Variants in ANKS1B observed in about 807,000 individuals in gnomAD.
ANKS1B encodes the protein ankyrin repeat and sterile alpha motif domain containing 1B.
ANKS1B carries 36 observed loss-of-function variants against 148.3 expected under a neutral mutation model. That is an observed-to-expected ratio of 0.24 (90% CI 0.19 to 0.32). The LOEUF (loss-of-function observed/expected upper bound fraction) is 0.32. ANKS1B is among the 10% of genes least tolerant of loss of function. The probability of loss-of-function intolerance (pLI) is 1.00; values close to 1 mark genes in which losing one functional copy is unlikely to be tolerated. For missense variants in ANKS1B, 1,157 were observed against 1,542.6 expected (o/e 0.75, Z 4.19); for synonymous variants, 542 against 560.8 (o/e 0.97, Z 0.47).
intron 17 of ANKS1B, among the ~76,000 whole-genome samples, chr12:98,947,596 G>A (rs1019273012): frequency 6.6e-6 from 1 of 152,166 alleles, no homozygotes. Context: ...GGGTTCACAC[G>A]CAAACCAGTA....
intron 1 of ANKS1B, among the ~76,000 whole-genome samples, chr12:99,967,356 C>G (rs1172165801): frequency 6.6e-6 from 1 of 152,098 alleles, no homozygotes; most frequent in African/African-American, 2.4e-5. Context: ...ACCTGCATAG[C>G]GCCAAATGTC....
chr12:98,918,605 G>T (rs1423128252), intron 17 of ANKS1B, among the ~76,000 whole-genome samples: 1 of 152,030 alleles, frequency 6.6e-6, no homozygotes, highest in South Asian at 2.1e-4. Context: ...TATATTCTTG[G>T]ATTAAATGGT....
chr12:99,909,606 T>C (rs1259836281), intron 1 of ANKS1B, among the ~76,000 whole-genome samples: 1 of 152,210 alleles, frequency 6.6e-6, no homozygotes, highest in Non-Finnish European at 1.5e-5. Flanking sequence ...TCTGTTTTTA[T>C]GCCAGTACCA....
intron 2 of ANKS1B, among the ~76,000 whole-genome samples, chr12:99,818,463 T>C (rs1022349491): frequency 1.3e-5 from 2 of 151,848 alleles, no homozygotes; most frequent in African/African-American, 2.4e-5. Context: ...AAAAAATTCA[T>C]TGGGACTGTG....
chr12:99,674,222 T>C (rs893699178), intron 8 of ANKS1B, among the ~76,000 whole-genome samples: 1 of 151,790 alleles, frequency 6.6e-6, no homozygotes, highest in Non-Finnish European at 1.5e-5. Flanking sequence ...AAAAGTGTAT[T>C]GGGGATTATA....
intron 12 of ANKS1B, among the ~76,000 whole-genome samples, chr12:99,306,524 G>A (rs73143015): frequency 0.15 from 22,709 of 151,812 alleles, 1,786 homozygotes; most frequent in Non-Finnish European, 0.19. Flanking sequence ...AATTGAATAG[G>A]GGGATAGTTT....
At chr12:99,509,719 C>T (rs2096745134) in intron 9 of ANKS1B, among the ~76,000 whole-genome samples, 1 of 151,918 alleles carries the variant, frequency 6.6e-6, no homozygotes. Context: ...CCAGAAGATC[C>T]CGCTAAGACA....
At chr12:99,512,121 C>T (rs947905734) in intron 9 of ANKS1B, among the ~76,000 whole-genome samples, 1 of 151,968 alleles carries the variant, frequency 6.6e-6, no homozygotes, top group Non-Finnish European at 1.5e-5. Flanking sequence ...ACAGAGTGAA[C>T]AGACAACCTA....
At chr12:99,270,935 A>C (rs914314162) in intron 12 of ANKS1B, among the ~76,000 whole-genome samples, 2 of 152,238 alleles carry the variant, frequency 1.3e-5, no homozygotes, top group African/African-American at 4.8e-5. Flanking sequence ...CTTATTACTG[A>C]AGATGAGAAA....
intron 12 of ANKS1B, among the ~76,000 whole-genome samples, chr12:99,318,256 G>T (rs1390457394): frequency 6.6e-6 from 1 of 152,180 alleles, no homozygotes; most frequent in Admixed American, 6.5e-5. Context: ...GCTCCTCTTT[G>T]TATCTCTGGT....
chr12:99,051,587 C>T (rs528252949), intron 17 of ANKS1B, among the ~76,000 whole-genome samples: 4 of 152,200 alleles, frequency 2.6e-5, no homozygotes, highest in East Asian at 1.9e-4. Context: ...TAGCCTGCTG[C>T]GACCAAAAAG....
rs2073910889 is a variant in ANKS1B at position 99,246,646 on chromosome 12, G to T, written c.1975C>A (p.Pro659Thr). 7 of 1,613,652 alleles carry T rather than the reference G, an allele frequency of 4.3e-6. No individual in the cohort carries two copies. The highest frequency in any genetic ancestry group is 5.9e-6 in the Non-Finnish European group (7 of 1,179,812). Residue 659 changes from proline (P) to threonine (T), a missense_variant, in exon 13 of 27, where the codon CCT (proline) becomes ACT (threonine). Around this residue, in one of 6 missense-constraint regions of ANKS1B, gnomAD observed 661 missense variants for 642.1 expected, o/e 1.03. Transcript: ENST00000683438. ...TTGGGTTTAATTTTCTTTACCAAAG[G>T]TTCTGAGTTATTTTCTATTGGAGAC... The part of the protein sequence containing the change: ...KQSPIENNSE[P>T]LVKKIKPKVV...
In ANKS1B at chr12:98,795,040, T is replaced by C. The variant is rs1593922722; in HGVS notation, c.3342+3894A>G. 26 of 698,066 alleles carry C rather than the reference T, an allele frequency of 3.7e-5. No individual in the cohort carries two copies. The East Asian group carries it at 6.4e-4, about 17-fold the overall frequency. The allele number at this position is 698,066 out of a possible 1,614,324, so 43.2% of individuals were successfully genotyped here. ...TTGGAGACTTGAAACTGCTAAATTA[T>C]TAGCTTATTTTTTACATAAGGCCAC... On this transcript the variant is annotated intron_variant, in intron 22 of 26. Coordinates refer to ENST00000683438, the MANE Select transcript of ANKS1B (RefSeq NM_001352186.2).
chr12:99,524,504 A>G (rs571410224), intron 9 of ANKS1B, among the ~76,000 whole-genome samples: 1 of 152,296 alleles, frequency 6.6e-6, no homozygotes, highest in Admixed American at 6.5e-5. Flanking sequence ...GAAGAGGGAG[A>G]AAGGAGAGCC....
At chr12:99,851,560 T>C (rs150491766) in intron 1 of ANKS1B, among the ~76,000 whole-genome samples, 2 of 152,286 alleles carry the variant, frequency 1.3e-5, no homozygotes, top group East Asian at 3.9e-4. Flanking sequence ...CATTATGATA[T>C]CCTTGAGGTT....
At chr12:99,433,085 A>G (rs1314186213) in intron 11 of ANKS1B, among the ~76,000 whole-genome samples, 1 of 152,312 alleles carries the variant, frequency 6.6e-6, no homozygotes, top group East Asian at 1.9e-4. Context: ...GGTCTAGGCC[A>G]GAGATGTTAG....
At chr12:99,677,568 G>T (rs1485242750) in intron 8 of ANKS1B, among the ~76,000 whole-genome samples, 1 of 152,168 alleles carries the variant, frequency 6.6e-6, no homozygotes, top group African/African-American at 2.4e-5. Flanking sequence ...CTGCTGCTGA[G>T]AACACTGTTG....
At chr12:99,706,111 G>C (rs1209524859) in intron 8 of ANKS1B, among the ~76,000 whole-genome samples, 1 of 151,990 alleles carries the variant, frequency 6.6e-6, no homozygotes, top group Non-Finnish European at 1.5e-5. Flanking sequence ...GATAGTCATG[G>C]AAAACATGTG....
intron 10 of ANKS1B, among the ~76,000 whole-genome samples, chr12:99,491,446 C>T (rs1340156587): frequency 2.0e-5 from 3 of 151,976 alleles, no homozygotes; most frequent in Non-Finnish European, 4.4e-5. Flanking sequence ...TAGGTAAACT[C>T]GTGTCACAAG....
Sources: allele counts gnomAD v4.1 joint callset (sites outside exome capture counted in the v4.1 genomes callset), GRCh38; gene constraint gnomAD v4.1.1; regional missense constraint gnomAD v4.1.1; transcripts MANE v1.5; gene names NCBI Gene and HGNC (gene_info 2026-07-23, HGNC 2026-07-21).